Variants in RHOU observed in about 807,000 individuals in gnomAD.
RHOU encodes the protein ras homolog family member U.
In RHOU, 8 loss-of-function variants were observed where a neutral mutation model predicts 12.6. The ratio of observed to expected loss-of-function variants is 0.64; its 90% CI spans 0.37 to 1.15. The LOEUF is 1.15. RHOU is among the 50% of genes most tolerant of loss of function. The pLI is 0.01. For missense variants in RHOU, 258 were observed against 347.0 expected, an observed-to-expected ratio of 0.74 and a Z score of 2.04; for synonymous variants, 161 against 147.4, an observed-to-expected ratio of 1.09 and a Z score of -0.67.
chr1:228,718,926 C>A, the RHOU span, among the ~76,000 whole-genome samples: 1 of 152,326 alleles, frequency 6.6e-6, no homozygotes, highest in African/African-American at 2.4e-5. Context: ...AATCTGGTGT[C>A]AGCACCAACT....
At chr1:228,649,205 GGTACTAGA>G in the RHOU span, among the ~76,000 whole-genome samples, 1 of 152,106 alleles carries the variant, frequency 6.6e-6, no homozygotes, top group Admixed American at 6.6e-5. Flanking sequence ...CCCTGTTCAA[GGTACTAGA>G]GTACCTGTTT....
At chr1:228,649,669 A>G in the RHOU span, among the ~76,000 whole-genome samples, 22 of 152,244 alleles carry the variant, frequency 1.4e-4, no homozygotes, top group African/African-American at 5.3e-4. Flanking sequence ...CCGGGATCAC[A>G]TCCTAAATTG....
chr1:228,721,195 G>A, the RHOU span, among the ~76,000 whole-genome samples: 2 of 152,130 alleles, frequency 1.3e-5, no homozygotes, highest in South Asian at 2.1e-4. Context: ...CCAGCCACTC[G>A]GGAGGCTGAA....
chr1:228,687,651 A>G, the RHOU span: 1 of 1,552,412 alleles, frequency 6.4e-7, no homozygotes. Flanking sequence ...CACTGACAAA[A>G]ATGACCCCCA....
the RHOU span, among the ~76,000 whole-genome samples, chr1:228,667,108 A>G: frequency 6.6e-6 from 1 of 152,188 alleles, no homozygotes; most frequent in African/African-American, 2.4e-5. Context: ...AACTTCTGTC[A>G]TGAGCTTGCT....
chr1:228,657,279 CAAAAAAAAAA>C, the RHOU span, among the ~76,000 whole-genome samples: 84 of 28,036 alleles, frequency 3.0e-3, 2 homozygotes, highest in East Asian at 0.096. Context: ...AACTCCATCT[CAAAAAAAAAA>C]AAAAAAAAAA....
chr1:228,671,784 G>T, the RHOU span, among the ~76,000 whole-genome samples: 2 of 150,568 alleles, frequency 1.3e-5, no homozygotes, highest in African/African-American at 4.9e-5. Context: ...CTTTAACACC[G>T]TGATTTCTAA....
chr1:228,694,784 C>T, the RHOU span, among the ~76,000 whole-genome samples: 5 of 152,088 alleles, frequency 3.3e-5, no homozygotes, highest in Admixed American at 1.3e-4. Context: ...AGTGAATATA[C>T]GCATGCATTT....
At chr1:228,701,204 T>G in the RHOU span, among the ~76,000 whole-genome samples, 2 of 152,226 alleles carry the variant, frequency 1.3e-5, no homozygotes, top group Non-Finnish European at 2.9e-5. Context: ...TTTTGAATTT[T>G]AAATTTGATT....
At chr1:228,674,432 T>C in the RHOU span, among the ~76,000 whole-genome samples, 13 of 150,354 alleles carry the variant, frequency 8.6e-5, 1 homozygote, top group South Asian at 2.5e-3. Context: ...CTGCAACCTC[T>C]GCCTCCCAGG....
the RHOU span, among the ~76,000 whole-genome samples, chr1:228,722,276 TCTAG>T: frequency 2.0e-5 from 3 of 152,332 alleles, no homozygotes; most frequent in South Asian, 6.2e-4. Context: ...CTTAATACTT[TCTAG>T]CTCTTAAAAT....
At chr1:228,721,631 C>CG in the RHOU span, among the ~76,000 whole-genome samples, 6 of 152,132 alleles carry the variant, frequency 3.9e-5, no homozygotes, top group Non-Finnish European at 7.4e-5. Flanking sequence ...GTCCTGAGGA[C>CG]ACAACCCCAT....
chr1:228,735,930 C>A lies in RHOU; in HGVS notation c.188C>A (p.Thr63Lys). 6.4e-7 allele frequency: 1 copy of A among 1,570,154 alleles called. No individual in the cohort carries two copies. The highest frequency in any genetic ancestry group is 8.6e-7 in the Non-Finnish European group (1 of 1,161,998). Residue 63 changes from threonine to lysine, a missense_variant, in exon 1 of 3, where the codon ACG becomes AAG. Transcript: ENST00000366691. This position sits in a 1 kb window ranked among gnomAD's most constrained non-coding sequence, Gnocchi z 8.1. ...GTCGGCGACGGCGCGGTGGGCAAGA[C>A]GAGCCTGGTGGTGAGCTACACCACC... ...VLVGDGAVGKTSLVVSYTTNG... is the reference protein window; with the variant it reads ...VLVGDGAVGKKSLVVSYTTNG...
the RHOU span, among the ~76,000 whole-genome samples, chr1:228,724,763 C>T: frequency 6.6e-6 from 1 of 152,174 alleles, no homozygotes; most frequent in African/African-American, 2.4e-5. Context: ...AAGGTTGTAT[C>T]CAGTAAGTGT....
intron 2 of RHOU, among the ~76,000 whole-genome samples, chr1:228,739,518 G>A (rs375179134): frequency 2.6e-5 from 4 of 152,124 alleles, no homozygotes; most frequent in Admixed American, 6.5e-5. Context: ...GGCTGAGATC[G>A]CGTCACTGCC....
chr1:228,667,608 T>C, the RHOU span, among the ~76,000 whole-genome samples: 1 of 152,176 alleles, frequency 6.6e-6, no homozygotes, highest in Admixed American at 6.5e-5. Flanking sequence ...TCTCCATTTA[T>C]CCCTCCATGT....
upstream of RHOU, among the ~76,000 whole-genome samples, chr1:228,733,496 A>G (rs1348170127): frequency 3.9e-5 from 6 of 152,332 alleles, no homozygotes; most frequent in South Asian, 1.0e-3. Flanking sequence ...TGGTAGAGAC[A>G]GGGTTTCGCC....
At chr1:228,727,994 G>C in the RHOU span, among the ~76,000 whole-genome samples, 1 of 152,294 alleles carries the variant, frequency 6.6e-6, no homozygotes, top group South Asian at 2.1e-4. Flanking sequence ...TTCTCTGAAG[G>C]TCTGGGAAGG....
At chr1:228,730,938 T>G (rs1662483275), upstream of RHOU, among the ~76,000 whole-genome samples, 1 of 152,250 alleles carries the variant, frequency 6.6e-6, no homozygotes, top group African/African-American at 2.4e-5. Context: ...GATAAAAATT[T>G]ATTTATTTCT....
Sources: gnomAD v4.1 joint callset for allele counts (sites outside exome capture counted in the v4.1 genomes callset) on GRCh38, gnomAD v4.1.1 for gene constraint, Gnocchi (gnomAD v3.1) non-coding constraint, MANE v1.5 for transcripts, NCBI Gene and HGNC (gene_info 2026-07-23, HGNC 2026-07-21) for gene names.